Variants in ZUP1 observed in about 807,000 individuals in gnomAD.
ZUP1 encodes the protein zinc finger-containing ubiquitin peptidase 1.
ZUP1 carries 55 observed loss-of-function variants against 68.1 expected under a neutral mutation model. The ratio of observed to expected loss-of-function variants is 0.81; its 90% CI spans 0.65 to 1.01. The LOEUF (loss-of-function observed/expected upper bound fraction) is 1.01, where lower values mean the gene tolerates loss of function less well. Among genes scored for constraint, ZUP1 ranks in the 50% least tolerant of loss-of-function variants. The pLI is 0.00. For missense variants in ZUP1, 684 were observed against 674.9 expected (o/e 1.01, Z -0.15); for synonymous variants, 223 against 221.5 (o/e 1.01, Z -0.06).
intron 7 of ZUP1, among the ~76,000 whole-genome samples, chr6:116,648,268 A>C (rs1206459274): frequency 6.6e-6 from 1 of 152,190 alleles, no homozygotes; most frequent in Admixed American, 6.5e-5. Flanking sequence ...TATACTACTC[A>C]ACAACTGTTT....
chr6:116,666,961 C>G lies in ZUP1; in HGVS notation c.232G>C (p.Asp78His). The G allele has an allele frequency of 1.2e-6, 2 of 1,612,634 alleles. No individual in the cohort carries two copies. The highest frequency in any genetic ancestry group is 1.7e-6 in the Non-Finnish European group (2 of 1,179,818). Reference protein sequence around the residue: ...VQYGTSDNKKDNTLQCGMEVN... With the variant: ...VQYGTSDNKKHNTLQCGMEVN... ...TCCATTCCACACTGTAGGGTGTTGT[C>G]TTTCTTGTTATCTGAAGTTCCATAT... Residue 78 changes from aspartate (D) to histidine (H), a missense_variant, in exon 2 of 10, where the codon GAC becomes CAC. Physicochemically the swap from Asp to His is moderately conservative, Grantham distance 81. Transcript: ENST00000368576.
rs951833 is a variant in ZUP1 at position 116,645,794 on chromosome 6, G to A, written c.1609C>T (p.Arg537Trp). 3.8e-5 allele frequency: 62 copies of A among 1,613,802 alleles called. No individual in the cohort carries two copies. In the South Asian group the frequency reaches 6.4e-4, roughly 17 times the overall value. ...TGTTTTAAATTTCCCATAGATTTCC[G>A]AAGTTGCTTGAGACTGCTAGCCTCT... Reference protein sequence around the residue: ...DIEASSLKQLRKSMGNLKHKQ... With the variant: ...DIEASSLKQLWKSMGNLKHKQ... Residue 537 changes from arginine to tryptophan, a missense_variant, in exon 9 of 10, where the codon CGG becomes TGG. Transcript: ENST00000368576.
chr6:116,647,185 C>A (rs998558993), intron 8 of ZUP1, among the ~76,000 whole-genome samples: 3 of 152,068 alleles, frequency 2.0e-5, no homozygotes, highest in Non-Finnish European at 1.5e-5. Context: ...ATGGTGAAAC[C>A]CCGTTTCTAC....
chr6:116,662,201 A>G (rs1192623624), intron 2 of ZUP1, among the ~76,000 whole-genome samples: 1 of 152,218 alleles, frequency 6.6e-6, no homozygotes, highest in Admixed American at 6.5e-5. Context: ...GGCGGATGTA[A>G]GAGAAGTCTT....
chr6:116,645,837 T>G lies in ZUP1; in HGVS notation c.1566A>C (p.Lys522Asn). ...TAGCCTCTATGTCTTGCTTTAATAA[T>G]TTCTGCATTTCTCGAGAAGGACATC... ...DPGCPSREMQKLLKQDIEASS... is the reference protein window; with the variant it reads ...DPGCPSREMQNLLKQDIEASS... Residue 522 changes from lysine (K) to asparagine (N), a missense_variant, in exon 9 of 10, where the codon AAA (lysine) becomes AAC (asparagine). Lys to Asn is a moderately conservative substitution (Grantham distance 94). Transcript: ENST00000368576. 1 of 1,613,932 alleles carries G rather than the reference T, an allele frequency of 6.2e-7. No individual in the cohort carries two copies. The highest frequency in any genetic ancestry group is 8.5e-7 in the Non-Finnish European group (1 of 1,179,914).
At chr6:116,656,561 T>C (rs1776668469) in intron 5 of ZUP1, 123 bp downstream of exon 5, 6 of 743,078 alleles carry the variant, frequency 8.1e-6, no homozygotes, top group Non-Finnish European at 1.2e-5. Flanking sequence ...TTTAAAACAA[T>C]ACATTTTTAA....
intron 3 of ZUP1, 66 bp from the exon 4 acceptor site, chr6:116,658,990 T>A (rs895834592): frequency 1.5e-6 from 2 of 1,328,724 alleles, no homozygotes. Context: ...TATTATTTAA[T>A]ATATGTTTTT....
At chr6:116,658,035 G>A (rs779769173) in intron 4 of ZUP1, among the ~76,000 whole-genome samples, 21 of 152,344 alleles carry the variant, frequency 1.4e-4, no homozygotes, top group Middle Eastern at 6.8e-3. Flanking sequence ...GGAGGTTGCA[G>A]TGAACCAAGA....
chr6:116,660,735 C>A lies in ZUP1; in HGVS notation c.670+1G>T. ...TTTTATCTTCAAACATATAAACATA[C>A]CTTGCTGAAAGCTGTTTTCTTCCAA... On this transcript the variant is annotated splice_donor_variant, in intron 3 of 9. Transcript: ENST00000368576. LOFTEE classifies it high-confidence loss of function. The A allele has an allele frequency of 6.5e-7, 1 of 1,546,718 alleles. No homozygotes were observed. Among genetic ancestry groups the A allele is most frequent in the Non-Finnish European group, 8.9e-7 (1 of 1,125,412 alleles).
At chr6:116,637,632 A>G (rs1775942796) in intron 9 of ZUP1, among the ~76,000 whole-genome samples, 1 of 152,226 alleles carries the variant, frequency 6.6e-6, no homozygotes. Flanking sequence ...GCCAACTAAA[A>G]TGTTCAGCAA....
In ZUP1 at chr6:116,638,899, G is replaced by T. The variant is rs982159450; in HGVS notation, c.1690-3020C>A. Among the ~76,000 whole-genome samples, 7 of 152,366 alleles carry T rather than the reference G, an allele frequency of 4.6e-5. No homozygotes were observed. The East Asian group carries it at 1.3e-3, about 29-fold the overall frequency. On this transcript the variant is annotated intron_variant, in intron 9 of 9. Transcript: ENST00000368576. Reference sequence around the variant, plus strand: ...CAGGGCGAGGCATTGCCTCACTCGGGAAGCGCAAGGGGTCAGGGAGTCCCC... The same window carrying T: ...CAGGGCGAGGCATTGCCTCACTCGGTAAGCGCAAGGGGTCAGGGAGTCCCC...
intron 2 of ZUP1, among the ~76,000 whole-genome samples, chr6:116,661,753 G>C (rs1180460023): frequency 1.4e-5 from 2 of 147,252 alleles, no homozygotes; most frequent in Admixed American, 6.8e-5. Context: ...AGCAGAGACT[G>C]TGAACAGCCA....
At chr6:116,663,292 C>T (rs1333755385) in intron 2 of ZUP1, among the ~76,000 whole-genome samples, 1 of 152,178 alleles carries the variant, frequency 6.6e-6, no homozygotes, top group South Asian at 2.1e-4. Flanking sequence ...CCAGATTCCA[C>T]ATATCTTCTC....
chr6:116,667,970 G>T (rs1777060802), intron 1 of ZUP1, among the ~76,000 whole-genome samples: 1 of 151,978 alleles, frequency 6.6e-6, no homozygotes, highest in Non-Finnish European at 1.5e-5. Flanking sequence ...GTTATTTTTG[G>T]ATTTTATGGA....
chr6:116,643,696 A>T (rs1321327113), intron 9 of ZUP1, among the ~76,000 whole-genome samples: 1 of 152,256 alleles, frequency 6.6e-6, no homozygotes, highest in Non-Finnish European at 1.5e-5. Context: ...TTCATGATGG[A>T]TTAAAGACTT....
intron 7 of ZUP1, 100 bp downstream of exon 7, chr6:116,651,472 A>C: frequency 9.5e-7 from 1 of 1,048,214 alleles, no homozygotes; most frequent in Non-Finnish European, 1.3e-6. Context: ...AGTGCTACTT[A>C]ATTTTATTTT....
chr6:116,651,619 C>A lies in ZUP1; in HGVS notation c.1269G>T (p.Trp423Cys). The change falls in exon 7 of 10, where the codon TGG becomes TGT. Residue 423 changes from tryptophan to cysteine, a missense_variant. By Grantham distance (215) the Trp-to-Cys change is radical. Transcript: ENST00000368576. ...LNNRLQGTKA[W>C]IGACEVYILL... ...GTATATATACTTCACATGCTCCAAT[C>A]CAGGCCTTTGTTCCCTGTAACCTGT... 6.2e-7 allele frequency: 1 copy of A among 1,613,850 alleles called. No homozygotes were observed. Among genetic ancestry groups the A allele is most frequent in the South Asian group, 1.1e-5 (1 of 91,070 alleles).
intron 2 of ZUP1, 135 bp from the exon 3 acceptor site, chr6:116,660,981 C>T (rs537403881): frequency 7.3e-6 from 4 of 550,638 alleles, no homozygotes; most frequent in Admixed American, 3.8e-5. Context: ...CTCACTGCAG[C>T]AATCCTCCCA....
chr6:116,651,826 C>T (rs1217220603), intron 6 of ZUP1, 89 bp from the exon 7 acceptor site: 27 of 1,496,950 alleles, frequency 1.8e-5, no homozygotes, highest in Middle Eastern at 2.0e-4. Flanking sequence ...GGGAACTTTA[C>T]GGTTTTTAAG....
Sources: allele counts gnomAD v4.1 joint callset (sites outside exome capture counted in the v4.1 genomes callset), GRCh38; gene constraint gnomAD v4.1.1; transcripts MANE v1.5; gene names NCBI Gene and HGNC (gene_info 2026-07-23, HGNC 2026-07-21).